PCDHGA4: variants seen among roughly 807,000 people sequenced by gnomAD.
PCDHGA4 encodes protocadherin gamma-A4.
A neutral mutation model predicts 54.6 loss-of-function variants in PCDHGA4; 38 were observed. The ratio of observed to expected loss-of-function variants is 0.70; its 90% CI spans 0.54 to 0.91. The LOEUF (loss-of-function observed/expected upper bound fraction) is 0.91, where lower values mean the gene tolerates loss of function less well. PCDHGA4 is among the 40% of genes least tolerant of loss of function. The pLI is 0.00. For missense variants in PCDHGA4, 1,298 were observed against 1,220.9 expected (o/e 1.06, Z -0.94); for synonymous variants, 511 against 512.9 (o/e 1.00, Z 0.05).
chr5:141,507,735 C>T (rs942364858), intron 3 of PCDHGA4, among the ~76,000 whole-genome samples: 3 of 152,268 alleles, frequency 2.0e-5, no homozygotes, highest in Non-Finnish European at 2.9e-5. Flanking sequence ...TCATGCAGCT[C>T]GTTCCCCTGT....
intron 1 of PCDHGA4, chr5:141,389,258 C>G: frequency 6.2e-7 from 1 of 1,614,022 alleles, no homozygotes; most frequent in Non-Finnish European, 8.5e-7. Context: ...ATATAGTCCA[C>G]GTGGCCGAGA....
chr5:141,458,823 C>T (rs1185812086), intron 1 of PCDHGA4, among the ~76,000 whole-genome samples: 1 of 152,126 alleles, frequency 6.6e-6, no homozygotes, highest in African/African-American at 2.4e-5. Flanking sequence ...ACCTCTGCCT[C>T]CCAGGCTCAA....
chr5:141,413,989 G>C, intron 1 of PCDHGA4: 1 of 1,613,400 alleles, frequency 6.2e-7, no homozygotes, highest in East Asian at 2.2e-5. Context: ...CACAGCCACC[G>C]ACAGGGACGA....
chr5:141,400,189 C>T (rs376855933), intron 1 of PCDHGA4: 52 of 1,613,938 alleles, frequency 3.2e-5, no homozygotes, highest in Non-Finnish European at 4.2e-5. Flanking sequence ...GCAGTTTTAC[C>T]TAGTGGTGGC....
Position 141,370,589 on chromosome 5 carries a change from C to A in PCDHGA4, c.2514+12968C>A, listed in dbSNP as rs1373846949. 6.2e-7 allele frequency: 1 copy of A among 1,613,898 alleles called. No individual in the cohort carries two copies. The highest frequency in any genetic ancestry group is 1.1e-5 in the South Asian group (1 of 91,062). The stretch of plus-strand genomic sequence containing the variant: ...GCGTGGGGGATTTACCTACTAGGAA[C>A]CTGCGGGTTATTGCAGAGAAGAAAT... On this transcript the variant is annotated intron_variant, in intron 1 of 3. Transcript: ENST00000571252.
In PCDHGA4 at chr5:141,489,362, C is replaced by T. The variant is rs1562129544; in HGVS notation, c.2515-5445C>T. 8 of 1,613,052 alleles carry T rather than the reference C, an allele frequency of 5.0e-6. No individual in the cohort carries two copies. Among genetic ancestry groups the T allele is most frequent in the South Asian group, 2.2e-5 (2 of 90,970 alleles). On this transcript the variant is annotated intron_variant, in intron 1 of 3. Coordinates refer to ENST00000571252, the MANE Select transcript of PCDHGA4 (RefSeq NM_018917.4). The surrounding 1 kb of genome is among the most constrained non-coding windows in gnomAD (Gnocchi z 4.5). ...TACTCAGTGGTGGAGGAGTCTGAGC[C>T]GGGGACGCTGGTGGGGAATGTTGCT...
intron 1 of PCDHGA4, among the ~76,000 whole-genome samples, chr5:141,466,443 C>T (rs906096545): frequency 6.6e-6 from 1 of 152,186 alleles, no homozygotes; most frequent in African/African-American, 2.4e-5. Context: ...ACCGAGATGT[C>T]TATGGTGTTG....
chr5:141,488,128 G>T (rs1412334197), intron 1 of PCDHGA4, among the ~76,000 whole-genome samples: 1 of 152,226 alleles, frequency 6.6e-6, no homozygotes, highest in Non-Finnish European at 1.5e-5. Context: ...ACAGCAGAAA[G>T]AGGAGAGAAC....
chr5:141,355,830 C>G lies in PCDHGA4; in HGVS notation c.723C>G (p.Leu241=), dbSNP rs1245004655. Residue 241 remains leucine, a synonymous_variant, in exon 1 of 4, where the codon CTC becomes CTG. Transcript: ENST00000571252. The part of the protein sequence containing the change: ...LDREEEAVHH[L]VLTAFDGGDP... ...GCGAGGAAGAGGCGGTTCACCACCT[C>G]GTTCTCACGGCCTTCGATGGAGGTG... 7 of 1,612,458 alleles carry G rather than the reference C, an allele frequency of 4.3e-6. No homozygotes were observed. The highest frequency in any genetic ancestry group is 5.9e-6 in the Non-Finnish European group (7 of 1,179,212).
chr5:141,389,996 C>T, intron 1 of PCDHGA4: 1 of 1,614,022 alleles, frequency 6.2e-7, no homozygotes, highest in Non-Finnish European at 8.5e-7. Context: ...TCCTCGTGGC[C>T]ATGATTCTGG....
Position 141,491,739 on chromosome 5 carries a change from C to T in PCDHGA4, c.2515-3068C>T. ...CGCCGCCCCGGGCGACCCCTGGGGG[C>T]GGCACTGGAGAAGCCGCCCGTCCTC... On this transcript the variant is annotated intron_variant, in intron 1 of 3. Transcript: ENST00000571252. This position sits in a 1 kb window ranked among gnomAD's most constrained non-coding sequence, Gnocchi z 6.9. The T allele has an allele frequency of 1.3e-6, 2 of 1,599,004 alleles. No individual in the cohort carries two copies. Among genetic ancestry groups the T allele is most frequent in the East Asian group, 2.3e-5 (1 of 44,194 alleles).
At chr5:141,365,307 CT>C in intron 1 of PCDHGA4, 2 of 1,613,992 alleles carry the variant, frequency 1.2e-6, no homozygotes, top group Non-Finnish European at 1.7e-6. Flanking sequence ...GATGGAGGCG[CT>C]CTTGTTGCCA....
chr5:141,489,775 T>C lies in PCDHGA4; in HGVS notation c.2515-5032T>C, dbSNP rs748163008. The C allele has an allele frequency of 6.2e-7, 1 of 1,614,110 alleles. No homozygotes were observed. The highest frequency in any genetic ancestry group is 8.5e-7 in the Non-Finnish European group (1 of 1,179,986). Reference sequence around the variant, plus strand: ...CACTCTAAGCCCCAACAGCCACTTCTCTCTGAATGTGAAGACCCTAAAAGA... The same window carrying C: ...CACTCTAAGCCCCAACAGCCACTTCCCTCTGAATGTGAAGACCCTAAAAGA... On this transcript the variant is annotated intron_variant, in intron 1 of 3. Coordinates refer to ENST00000571252, the MANE Select transcript of PCDHGA4 (RefSeq NM_018917.4). This position sits in a 1 kb window ranked among gnomAD's most constrained non-coding sequence, Gnocchi z 4.5.
rs1590066119 is a variant in PCDHGA4, at chr5:141,417,816, C to G, written c.2514+60195C>G. On this transcript the variant is annotated intron_variant, in intron 1 of 3. Transcript: ENST00000571252. ...CTTTTAGCGCGGTAGAGTGCACTTT[C>G]TCCAACTGGAAAAGCGGGGACCCAG... is the stretch of plus-strand genomic sequence containing the variant. 3 of 1,511,044 alleles carry G rather than the reference C, an allele frequency of 2.0e-6. No homozygotes were observed. The East Asian group carries it at 7.4e-5, about 37-fold the overall frequency. 93.6% of individuals were successfully genotyped at this position (1,511,044 alleles called of 1,614,324 possible).
intron 1 of PCDHGA4, among the ~76,000 whole-genome samples, chr5:141,469,923 G>A (rs1251812588): frequency 1.3e-5 from 2 of 152,200 alleles, no homozygotes; most frequent in Non-Finnish European, 2.9e-5. Flanking sequence ...CCGAGGTCAG[G>A]AGTTTGAGAC....
intron 1 of PCDHGA4, chr5:141,383,949 G>T (rs538018556): frequency 4.3e-6 from 7 of 1,613,584 alleles, no homozygotes; most frequent in Non-Finnish European, 5.9e-6. Context: ...TGACTATGAC[G>T]TCTTTAAGTA....
chr5:141,415,745 T>C, intron 1 of PCDHGA4: 1 of 517,922 alleles, frequency 1.9e-6, no homozygotes, highest in Non-Finnish European at 2.4e-6. Context: ...TTAAGGTTTT[T>C]TTTTTTTTTT....
At chr5:141,382,861 TC>T in intron 1 of PCDHGA4, 1 of 1,514,402 alleles carries the variant, frequency 6.6e-7, no homozygotes, top group South Asian at 1.3e-5. Flanking sequence ...CTGAAGCACT[TC>T]CCGAGATCGG....
At chr5:141,499,025 G>A (rs561539084) in intron 2 of PCDHGA4, among the ~76,000 whole-genome samples, 4 of 140,712 alleles carry the variant, frequency 2.8e-5, no homozygotes, top group Admixed American at 1.4e-4. Context: ...AGGAAGGAAG[G>A]AAGAAAAGAA....
Sources: gnomAD v4.1 joint callset for allele counts (sites outside exome capture counted in the v4.1 genomes callset) on GRCh38, gnomAD v4.1.1 for gene constraint, Gnocchi (gnomAD v3.1) non-coding constraint, MANE v1.5 for transcripts, NCBI Gene and HGNC (gene_info 2026-07-23, HGNC 2026-07-21) for gene names.